GSAP: variants seen among roughly 807,000 people sequenced by gnomAD.
GSAP encodes the protein gamma-secretase-activating protein.
In GSAP, 118 loss-of-function variants were observed where a neutral mutation model predicts 131.7. The ratio of observed to expected loss-of-function variants is 0.90; its 90% CI spans 0.77 to 1.04. GSAP has a LOEUF of 1.04. Among genes scored for constraint, GSAP ranks in the 50% least tolerant of loss-of-function variants. GSAP has a pLI of 0.00. For missense variants in GSAP, 1,019 were observed against 1,013.2 expected (o/e 1.01, Z -0.08); for synonymous variants, 381 against 363.4 (o/e 1.05, Z -0.55).
intron 2 of GSAP, 77 bp from the exon 3 acceptor site, chr7:77,404,692 T>G (rs1172852145): frequency 1.2e-6 from 1 of 804,488 alleles, no homozygotes; most frequent in African/African-American, 1.7e-5. Context: ...AAAACCAACC[T>G]GCAATAACTC....
intron 5 of GSAP, among the ~76,000 whole-genome samples, chr7:77,387,707 T>G (rs1329729321): frequency 6.6e-6 from 1 of 152,012 alleles, no homozygotes; most frequent in Non-Finnish European, 1.5e-5. Context: ...TTCCACACCC[T>G]CAGGAGCCCT....
intron 13 of GSAP, among the ~76,000 whole-genome samples, chr7:77,361,637 A>G (rs1203068491): frequency 6.6e-6 from 1 of 152,204 alleles, no homozygotes; most frequent in Admixed American, 6.5e-5. Flanking sequence ...GTTTTTAAAT[A>G]TTGGAAAAAT....
At chr7:77,386,835 A>G (rs939369377) in intron 6 of GSAP, among the ~76,000 whole-genome samples, 3 of 152,214 alleles carry the variant, frequency 2.0e-5, no homozygotes, top group African/African-American at 4.8e-5. Flanking sequence ...AAATTCTTTC[A>G]CCACTCAGCA....
rs1334371614 is a variant in GSAP at position 77,361,666 on chromosome 7, T to G, written c.950-765A>C. 2.0e-5 allele frequency among the ~76,000 whole-genome samples: 3 copies of G among 152,164 alleles called. No homozygotes were observed. In the East Asian group the frequency reaches 5.8e-4, roughly 29 times the overall value. ...GAAAAATCTTTATCTTTAAAAAAAT[T>G]TAAATACACCCATAGTATATACTGC... On this transcript the variant is annotated intron_variant, in intron 13 of 30. Transcript: ENST00000257626.
At chr7:77,403,554 TG>T (rs1274453727) in intron 3 of GSAP, among the ~76,000 whole-genome samples, 7 of 150,238 alleles carry the variant, frequency 4.7e-5, no homozygotes, top group African/African-American at 1.7e-4. Context: ...CAACGCCTTA[TG>T]TGAGTAATTT....
rs1451923327 is a variant in GSAP, at chr7:77,362,586, T to C, written c.946A>G (p.Lys316Glu). ...ACAAAGAAGACATGAAAAGTACCTT[T>C]ATGAATGTAAAACACTGAATATGTG... ...QITYSVFYIH[K>E]GHSKTFTTSL... The change falls in exon 13 of 31, where the codon AAA becomes GAA. Residue 316 changes from lysine to glutamate, a missense_variant. Transcript: ENST00000257626. The C allele has an allele frequency of 9.9e-6, 15 of 1,518,030 alleles. No individual in the cohort carries two copies. Among genetic ancestry groups the C allele is most frequent in the African/African-American group, 4.1e-5 (3 of 72,358 alleles). The allele number at this position is 1,518,030 out of a possible 1,614,324, so 94.0% of individuals were successfully genotyped here.
chr7:77,318,025 TGCAGA>T (rs752402014), intron 26 of GSAP, among the ~76,000 whole-genome samples: 2 of 152,200 alleles, frequency 1.3e-5, no homozygotes, highest in Non-Finnish European at 2.9e-5. Context: ...GTGTCATAAA[TGCAGA>T]GCAGCATATG....
Position 77,355,546 on chromosome 7 carries a change from T to A in GSAP, c.1120+9A>T, listed in dbSNP as rs371719723. On this transcript the variant is annotated intron_variant, in intron 15 of 30. Coordinates refer to ENST00000257626, the MANE Select transcript of GSAP (RefSeq NM_017439.4). ...GGCCACCTCTACAAGAGAAAAACTATAGCCGTACCTGTCAGAAAGAGATTG... is the reference window on the plus strand; with the variant it reads ...GGCCACCTCTACAAGAGAAAAACTAAAGCCGTACCTGTCAGAAAGAGATTG... The A allele has an allele frequency of 1.3e-6, 2 of 1,593,658 alleles. No individual in the cohort carries two copies. The highest frequency in any genetic ancestry group is 8.6e-7 in the Non-Finnish European group (1 of 1,162,104).
intron 1 of GSAP, among the ~76,000 whole-genome samples, chr7:77,408,002 A>C (rs931522313): frequency 9.9e-5 from 15 of 152,244 alleles, no homozygotes; most frequent in Admixed American, 7.2e-4. Flanking sequence ...TACAAATTGT[A>C]TGTTTCAATT....
chr7:77,377,463 A>G, intron 8 of GSAP, 73 bp from the exon 9 acceptor site: 1 of 1,428,426 alleles, frequency 7.0e-7, no homozygotes, highest in South Asian at 1.5e-5. Context: ...TGGAATTCAT[A>G]ATTATTTTCC....
At chr7:77,338,948 A>G (rs116127758) in intron 19 of GSAP, among the ~76,000 whole-genome samples, 1,909 of 152,102 alleles carry the variant, frequency 0.013, 36 homozygotes, top group African/African-American at 0.044. Context: ...TCCTCCCTTA[A>G]CTCCTTATCA....
chr7:77,379,058 G>C lies in GSAP; in HGVS notation c.577-1668C>G, dbSNP rs926890399. On this transcript the variant is annotated intron_variant, in intron 8 of 30. Coordinates refer to ENST00000257626, the MANE Select transcript of GSAP (RefSeq NM_017439.4). ...CCCTGTCCATTATATTTAGACAAGA[G>C]GAAAGTGATGCCAGAGAAAAGATCC... Among the ~76,000 whole-genome samples the C allele has an allele frequency of 2.6e-5, 4 of 152,096 alleles. No individual in the cohort carries two copies. In the East Asian group the frequency reaches 7.7e-4, roughly 29 times the overall value.
chr7:77,381,218 C>A (rs1797747708), intron 8 of GSAP, 87 bp downstream of exon 8: 1 of 627,360 alleles, frequency 1.6e-6, no homozygotes, highest in Non-Finnish European at 2.8e-6. Context: ...CATTATATAT[C>A]AATAACATTA....
intron 20 of GSAP, chr7:77,330,022 G>C (rs1788859534): frequency 2.6e-6 from 1 of 388,246 alleles, no homozygotes; most frequent in South Asian, 4.9e-5. Context: ...AATGTGCTGT[G>C]TGTCCCCTTA....
At chr7:77,334,332 C>T (rs1239921057) in intron 19 of GSAP, among the ~76,000 whole-genome samples, 2 of 151,668 alleles carry the variant, frequency 1.3e-5, no homozygotes, top group East Asian at 3.9e-4. Context: ...AAGAGAAAAC[C>T]AAATGGCACA....
Position 77,329,368 on chromosome 7 carries a change from C to T in GSAP, c.1698G>A (p.Ala566=), listed in dbSNP as rs371136136. The T allele has an allele frequency of 4.2e-5, 67 of 1,585,074 alleles. No homozygotes were observed. Among genetic ancestry groups the T allele is most frequent in the Non-Finnish European group, 5.4e-5 (63 of 1,163,814 alleles). Residue 566 remains alanine, a synonymous_variant, in exon 21 of 31, where the codon GCG becomes GCA. Coordinates refer to ENST00000257626, the MANE Select transcript of GSAP (RefSeq NM_017439.4). ...SEEKTGKRRS[A]AYVRNILDNA... The stretch of plus-strand genomic sequence containing the variant: ...TATCAAGAATATTCCTCACGTATGC[C>T]GCAGACCTTCTTTTTCCTGTTTTCT...
chr7:77,359,439 T>C (rs1794229119), intron 14 of GSAP, among the ~76,000 whole-genome samples: 1 of 152,176 alleles, frequency 6.6e-6, no homozygotes. Context: ...TAGAAGTGTC[T>C]GGGGTTCATG....
chr7:77,371,862 GAGAAT>G (rs1009282714), intron 12 of GSAP, among the ~76,000 whole-genome samples: 5 of 152,198 alleles, frequency 3.3e-5, no homozygotes, highest in Non-Finnish European at 1.5e-5. Flanking sequence ...GTGAAAAGCT[GAGAAT>G]AGAATAGTCA....
At position 77,397,367 on chromosome 7, in the gene GSAP, T is replaced by G; in HGVS notation, c.292A>C (p.Asn98His). ...TTACCAAGCAAAGTCCTTTCACTGT[T>G]GACAGAGCAACTGAAAACTTGCAAG... ...KDLQVFSCSVNSERTLLAASL... is the reference protein window; with the variant it reads ...KDLQVFSCSVHSERTLLAASL... The change falls in exon 4 of 31, where the codon AAC becomes CAC. Residue 98 changes from asparagine (N) to histidine (H), a missense_variant. Transcript: ENST00000257626. 1 of 1,606,506 alleles carries G rather than the reference T, an allele frequency of 6.2e-7. No homozygotes were observed. The highest frequency in any genetic ancestry group is 8.5e-7 in the Non-Finnish European group (1 of 1,174,096).
Sources: gnomAD v4.1 joint callset for allele counts (sites outside exome capture counted in the v4.1 genomes callset) on GRCh38, gnomAD v4.1.1 for gene constraint, MANE v1.5 for transcripts, NCBI Gene and HGNC (gene_info 2026-07-23, HGNC 2026-07-21) for gene names.